The following HS3ST3A1 variants were observed in gnomAD, a reference collection of about 807,000 sequenced individuals.
HS3ST3A1 encodes heparan sulfate glucosamine 3-O-sulfotransferase 3A1.
In HS3ST3A1, 19 loss-of-function variants were observed where a neutral mutation model predicts 25.7. That is an observed-to-expected ratio of 0.74 (90% CI 0.52 to 1.08). HS3ST3A1 has a LOEUF of 1.08. HS3ST3A1 is among the 50% of genes least tolerant of loss of function. The pLI is 0.00. For synonymous variants in HS3ST3A1, 226 were observed against 278.6 expected (o/e 0.81, Z 1.88); for missense variants, 459 against 594.3 (o/e 0.77, Z 2.37).
At chr17:13,546,217 T>C (rs1907084736) in intron 1 of HS3ST3A1, among the ~76,000 whole-genome samples, 1 of 152,154 alleles carries the variant, frequency 6.6e-6, no homozygotes, top group South Asian at 2.1e-4. Flanking sequence ...AAAAAATGAA[T>C]CTGCCTCTGA....
intron 1 of HS3ST3A1, among the ~76,000 whole-genome samples, chr17:13,512,239 C>A (rs1055597406): frequency 4.2e-5 from 6 of 142,080 alleles, no homozygotes; most frequent in African/African-American, 1.6e-4. Context: ...GCGGAGCTTG[C>A]AGTGAGCCGA....
intron 1 of HS3ST3A1, among the ~76,000 whole-genome samples, chr17:13,542,459 A>G (rs926806520): frequency 6.6e-6 from 1 of 152,192 alleles, no homozygotes; most frequent in South Asian, 2.1e-4. Flanking sequence ...TTGTGTGAAG[A>G]CACAGAGAGA....
intron 1 of HS3ST3A1, among the ~76,000 whole-genome samples, chr17:13,556,805 T>C (rs1169679105): frequency 2.1e-5 from 3 of 141,846 alleles, no homozygotes; most frequent in South Asian, 2.3e-4. Flanking sequence ...GGAGCAGAGA[T>C]CGCGCCACTG....
At chr17:13,500,853 C>A (rs772875512) in intron 1 of HS3ST3A1, among the ~76,000 whole-genome samples, 1 of 152,056 alleles carries the variant, frequency 6.6e-6, no homozygotes, top group African/African-American at 2.4e-5. Context: ...TTCACAATAG[C>A]CAAAGAGTGG....
Position 13,534,767 on chromosome 17 carries a change from T to C in HS3ST3A1, c.600-37949A>G, listed in dbSNP as rs1298753421. ...ATGGCAGGGTGCAGTGGCTCACACC[T>C]GTAATCCCAGCATTTTGTGAGGCCA... On this transcript the variant is annotated intron_variant, in intron 1 of 1. Transcript: ENST00000284110. 2.6e-5 allele frequency among the ~76,000 whole-genome samples: 4 copies of C among 151,844 alleles called. 1 individual carries two copies. The highest frequency in any genetic ancestry group is 5.9e-5 in the Non-Finnish European group (4 of 67,964).
At chr17:13,535,775 A>G (rs866302742) in intron 1 of HS3ST3A1, among the ~76,000 whole-genome samples, 5 of 152,192 alleles carry the variant, frequency 3.3e-5, no homozygotes, top group Non-Finnish European at 5.9e-5. Flanking sequence ...AAAAATATGT[A>G]TAAGTCAGAA....
chr17:13,568,456 T>G (rs944575720), intron 1 of HS3ST3A1, among the ~76,000 whole-genome samples: 1 of 152,224 alleles, frequency 6.6e-6, no homozygotes, highest in Non-Finnish European at 1.5e-5. Flanking sequence ...AATCTGCAGT[T>G]TATCCTTCCT....
At chr17:13,546,937 A>G (rs1907105498) in intron 1 of HS3ST3A1, among the ~76,000 whole-genome samples, 1 of 152,264 alleles carries the variant, frequency 6.6e-6, no homozygotes, top group African/African-American at 2.4e-5. Context: ...CCGATGGGCT[A>G]CTAAGCAGTA....
intron 1 of HS3ST3A1, among the ~76,000 whole-genome samples, chr17:13,510,602 G>A (rs918275700): frequency 6.6e-6 from 1 of 152,188 alleles, no homozygotes; most frequent in African/African-American, 2.4e-5. Flanking sequence ...ACCAGGAGAA[G>A]TGACTTGCAG....
At chr17:13,577,191 G>A (rs549405729) in intron 1 of HS3ST3A1, among the ~76,000 whole-genome samples, 6 of 152,280 alleles carry the variant, frequency 3.9e-5, no homozygotes, top group African/African-American at 1.4e-4. Context: ...TCCCTTCCAT[G>A]ACACATGGAA....
intron 1 of HS3ST3A1, among the ~76,000 whole-genome samples, chr17:13,499,927 G>A (rs971985741): frequency 2.6e-5 from 4 of 152,100 alleles, no homozygotes; most frequent in Non-Finnish European, 5.9e-5. Context: ...CAAAAATAAA[G>A]AAACGATAGT....
At chr17:13,570,746 G>A (rs546358480) in intron 1 of HS3ST3A1, among the ~76,000 whole-genome samples, 6 of 152,298 alleles carry the variant, frequency 3.9e-5, no homozygotes, top group East Asian at 1.9e-4. Context: ...CTGGGATTAC[G>A]GGGGTGAGCC....
At chr17:13,572,834 G>C (rs555283959) in intron 1 of HS3ST3A1, among the ~76,000 whole-genome samples, 1 of 152,206 alleles carries the variant, frequency 6.6e-6, no homozygotes, top group Non-Finnish European at 1.5e-5. Flanking sequence ...GGAACTAGCC[G>C]TCCTGTTAGG....
At chr17:13,523,137 T>C (rs933360010) in intron 1 of HS3ST3A1, among the ~76,000 whole-genome samples, 3 of 152,150 alleles carry the variant, frequency 2.0e-5, no homozygotes, top group Admixed American at 6.6e-5. Flanking sequence ...CATCTGAGAC[T>C]CTAGGATCAA....
intron 1 of HS3ST3A1, among the ~76,000 whole-genome samples, chr17:13,573,080 C>T (rs1335761148): frequency 6.6e-6 from 1 of 152,140 alleles, no homozygotes; most frequent in Admixed American, 6.5e-5. Flanking sequence ...AGATTCCTCA[C>T]CCTGATCTCC....
chr17:13,588,722 T>C (rs1027763686), intron 1 of HS3ST3A1, among the ~76,000 whole-genome samples: 15 of 151,938 alleles, frequency 9.9e-5, no homozygotes, highest in South Asian at 2.1e-4. Context: ...CTCGCTCTGT[T>C]GCCCAGGCTG....
At chr17:13,588,210 T>A (rs1298088464) in intron 1 of HS3ST3A1, among the ~76,000 whole-genome samples, 2 of 152,110 alleles carry the variant, frequency 1.3e-5, no homozygotes. Flanking sequence ...AATTGAGTGG[T>A]TGTGATAAAC....
chr17:13,549,290 C>G (rs556361347), intron 1 of HS3ST3A1, among the ~76,000 whole-genome samples: 2 of 152,256 alleles, frequency 1.3e-5, no homozygotes, highest in African/African-American at 2.4e-5. Flanking sequence ...AAACTGCAGA[C>G]ACATCTGAAC....
At chr17:13,500,596 T>C (rs1273170655) in intron 1 of HS3ST3A1, among the ~76,000 whole-genome samples, 1 of 152,206 alleles carries the variant, frequency 6.6e-6, no homozygotes, top group Non-Finnish European at 1.5e-5. Flanking sequence ...AGAACTTTCT[T>C]TCCAAGCTAA....
Sources: allele counts gnomAD v4.1 joint callset (sites outside exome capture counted in the v4.1 genomes callset), GRCh38; gene constraint gnomAD v4.1.1; transcripts MANE v1.5; gene names NCBI Gene and HGNC (gene_info 2026-07-23, HGNC 2026-07-21).